The following GALC variants were observed in gnomAD, a reference collection of about 807,000 sequenced individuals.
GALC encodes the protein galactosylceramidase, also known as galactocerebrosidase.
Under a neutral mutation model 91.8 loss-of-function variants are expected in GALC, and 77 were observed. The observed-to-expected ratio is 0.84, with a 90% CI of 0.70 to 1.01. GALC has a LOEUF of 1.01. Ranked by LOEUF, GALC falls within the 50% of genes least tolerant of loss-of-function variation. GALC has a pLI of 0.00. For missense variants in GALC, 882 were observed against 855.9 expected, an observed-to-expected ratio of 1.03 and a Z score of -0.38; for synonymous variants, 357 against 306.7, an observed-to-expected ratio of 1.16 and a Z score of -1.71.
chr14:87,976,536 T>G, intron 6 of GALC, 48 bp from the exon 7 acceptor site: 1 of 1,498,764 alleles, frequency 6.7e-7, no homozygotes, highest in Non-Finnish European at 9.3e-7. Flanking sequence ...AATGAATTTT[T>G]AGCTGTTGAA....
chr14:87,993,037 T>C lies in GALC; in HGVS notation c.128A>G (p.Tyr43Cys). The C allele has an allele frequency of 6.4e-7, 1 of 1,556,128 alleles. No individual in the cohort carries two copies. Among genetic ancestry groups the C allele is most frequent in the Non-Finnish European group, 8.7e-7 (1 of 1,154,164 alleles). The change falls in exon 1 of 17, where the codon TAC (tyrosine) becomes TGC (cysteine). Residue 43 changes from tyrosine to cysteine, a missense_variant. Physicochemically the swap from Tyr to Cys is radical, Grantham distance 194 (BLOSUM62 -2). Coordinates refer to ENST00000261304, the MANE Select transcript of GALC (RefSeq NM_000153.4). ...CAGCCCGTCGGAGTCGTCGAGCACGTACGCGCCGCCGGGCGCCAGCAGCGC... is the reference window on the plus strand; with the variant it reads ...CAGCCCGTCGGAGTCGTCGAGCACGCACGCGCCGCCGGGCGCCAGCAGCGC... ...LCALLAPGGA[Y>C]VLDDSDGLGR... is the part of the protein sequence containing the mutation.
intron 4 of GALC, among the ~76,000 whole-genome samples, chr14:87,985,317 C>T (rs1367555153): frequency 6.6e-6 from 1 of 152,144 alleles, no homozygotes; most frequent in African/African-American, 2.4e-5. Context: ...TGACAAAATG[C>T]TTATTTTCTA....
Position 87,981,009 on chromosome 14 carries a change from A to ACCCAGTAG in GALC, c.621+1188_621+1195dup, listed in dbSNP as rs1427381595. Among the ~76,000 whole-genome samples the ACCCAGTAG allele has an allele frequency of 6.6e-4, 100 of 152,356 alleles. 1 individual carries two copies. The highest frequency in any genetic ancestry group is 2.2e-3 in the African/African-American group (93 of 41,586). ...ATGACTTCTTTTCCTCTGGGTAGAT[A>ACCCAGTAG]CCCAGTAGCAGGATTGATGGATTTG... is the stretch of plus-strand genomic sequence containing the variant. On this transcript the variant is annotated intron_variant, in intron 6 of 16. Coordinates refer to ENST00000261304, the MANE Select transcript of GALC (RefSeq NM_000153.4).
At position 87,956,560 on chromosome 14, in the gene GALC, CATAT is replaced by C. The variant is rs557652790; in HGVS notation, c.1162-5816_1162-5813del. On this transcript the variant is annotated intron_variant, in intron 10 of 16. Coordinates refer to ENST00000261304, the MANE Select transcript of GALC (RefSeq NM_000153.4). Reference sequence around the variant, plus strand: ...ATACACCATATATATATACACGCACCATATATATATATATACACACACACCATAT... The same window carrying C: ...ATACACCATATATATATACACGCACCATATATATATACACACACACCATAT... Among the ~76,000 whole-genome samples, 27 of 131,456 alleles carry C rather than the reference CATAT, an allele frequency of 2.1e-4. 1 individual carries two copies. In the South Asian group the frequency reaches 4.8e-3, roughly 23 times the overall value. The allele number at this position is 131,456 out of a possible 152,430, so 86.2% of individuals were successfully genotyped here. A position where few individuals can be genotyped will look rare whatever the true frequency, so the allele number is the denominator to read the frequency against.
rs114336602 is a variant in GALC, at chr14:87,956,553, C to T, written c.1162-5805G>A. On this transcript the variant is annotated intron_variant, in intron 10 of 16. Transcript: ENST00000261304. ...TATATACATACACCATATATATATA[C>T]ACGCACCATATATATATATATACAC... Among the ~76,000 whole-genome samples, 1,182 of 144,892 alleles carry T rather than the reference C, an allele frequency of 8.2e-3. 22 individuals are homozygous for T. The highest frequency in any genetic ancestry group is 0.031 in the African/African-American group (1,139 of 36,320).
intron 6 of GALC, chr14:87,980,515 T>C (rs1019592693): frequency 3.1e-6 from 3 of 981,688 alleles, no homozygotes; most frequent in Non-Finnish European, 3.6e-6. Flanking sequence ...CTCTCAATCT[T>C]CAGTTCTTTG....
chr14:87,939,945 A>G lies in GALC; in HGVS notation c.1871T>C (p.Val624Ala), dbSNP rs1308536313. ...GAGTGTATACCATTTTTTTGCTGTA[A>G]CTTCAACACGTCCTAAAGCATATAT... is the stretch of plus-strand genomic sequence containing the variant. ...WIIYALGRVE[V>A]TAKKWYTLTL... Residue 624 changes from valine to alanine, a missense_variant, in exon 16 of 17, where the codon GTT becomes GCT. By Grantham distance (64) the Val-to-Ala change is moderately conservative. Transcript: ENST00000261304. 6.2e-7 allele frequency: 1 copy of G among 1,610,886 alleles called. No individual in the cohort carries two copies. Among genetic ancestry groups the G allele is most frequent in the African/African-American group, 1.3e-5 (1 of 74,754 alleles).
chr14:87,954,620 T>G, intron 10 of GALC: 1 of 1,589,504 alleles, frequency 6.3e-7, no homozygotes, highest in East Asian at 2.2e-5. Flanking sequence ...TTGGAAGATA[T>G]CAGACTTAGC....
chr14:87,965,408 C>G lies in GALC; in HGVS notation c.1033+97G>C. ...AAAACTTAAATCTATACTTAAAACA[C>G]GCATAGACACACAGTTTATATAATC... On this transcript the variant is annotated intron_variant, in intron 9 of 16. Coordinates refer to ENST00000261304, the MANE Select transcript of GALC (RefSeq NM_000153.4). The G allele has an allele frequency of 3.8e-6, 5 of 1,306,076 alleles. No homozygotes were observed. In the South Asian group the frequency reaches 6.0e-5, roughly 16 times the overall value. The allele number at this position is 1,306,076 out of a possible 1,614,324, so 80.9% of individuals were successfully genotyped here. A position where few individuals can be genotyped will look rare whatever the true frequency, so the allele number is the denominator to read the frequency against.
rs1884456348 is a variant in GALC, at chr14:87,933,790, G to A, written c.*942C>T. On this transcript the variant is annotated 3_prime_UTR_variant, in exon 17 of 17. Coordinates refer to ENST00000261304, the MANE Select transcript of GALC (RefSeq NM_000153.4). ...AACATATTTGGACTTTAAAAAGTAAGTACATCTTAGGAGATGATCCAATTC... is the reference window on the plus strand; with the variant it reads ...AACATATTTGGACTTTAAAAAGTAAATACATCTTAGGAGATGATCCAATTC... 1 of 518,950 alleles carries A rather than the reference G, an allele frequency of 1.9e-6. No individual in the cohort carries two copies. Among genetic ancestry groups the A allele is most frequent in the Non-Finnish European group, 3.4e-6 (1 of 293,050 alleles). 32.1% of individuals were successfully genotyped at this position (518,950 alleles called of 1,614,324 possible).
rs1346575964 is a variant in GALC at position 87,976,347 on chromosome 14, A to G, written c.752+11T>C. 1.9e-6 allele frequency: 3 copies of G among 1,613,682 alleles called. No individual in the cohort carries two copies. The highest frequency in any genetic ancestry group is 2.5e-6 in the Non-Finnish European group (3 of 1,179,960). On this transcript the variant is annotated intron_variant, in intron 7 of 16. Coordinates refer to ENST00000261304, the MANE Select transcript of GALC (RefSeq NM_000153.4). Reference sequence around the variant, plus strand: ...AGAAACTGCTAGTTTTCCAAGTAAAACATGCCTTACCCTATAACATCAACC... The same window carrying G: ...AGAAACTGCTAGTTTTCCAAGTAAAGCATGCCTTACCCTATAACATCAACC...
intron 6 of GALC, chr14:87,976,958 A>C (rs1210589428): frequency 1.3e-5 from 2 of 155,614 alleles, no homozygotes; most frequent in Non-Finnish European, 2.8e-5. Flanking sequence ...TAAAAAGAAA[A>C]AAAAAACACA....
intron 9 of GALC, among the ~76,000 whole-genome samples, chr14:87,963,776 A>C (rs1294594394): frequency 1.3e-5 from 2 of 152,088 alleles, no homozygotes; most frequent in African/African-American, 4.8e-5. Context: ...TCTTTTTTTT[A>C]AGAATAAAAT....
At chr14:87,951,472 T>G (rs911406011) in intron 10 of GALC, among the ~76,000 whole-genome samples, 1 of 151,980 alleles carries the variant, frequency 6.6e-6, no homozygotes, top group Admixed American at 6.6e-5. Context: ...ATATAAGAGA[T>G]TTGAACAACA....
intron 12 of GALC, among the ~76,000 whole-genome samples, 195 bp downstream of exon 12, chr14:87,949,650 G>C (rs1312925950): frequency 1.3e-5 from 2 of 151,924 alleles, no homozygotes; most frequent in Non-Finnish European, 2.9e-5. Flanking sequence ...TCTCAAATGG[G>C]ACTTAAATTT....
chr14:87,935,071 T>G (rs1441509598), intron 16 of GALC, among the ~76,000 whole-genome samples, 193 bp from the exon 17 acceptor site: 3 of 152,076 alleles, frequency 2.0e-5, no homozygotes, highest in African/African-American at 4.8e-5. Flanking sequence ...GAAGAAATTC[T>G]TATCTACCTA....
chr14:87,945,528 T>A, intron 14 of GALC, 25 bp downstream of exon 14: 1 of 1,523,908 alleles, frequency 6.6e-7, no homozygotes, highest in Non-Finnish European at 9.1e-7. Context: ...TTCAGCCAGA[T>A]CCACATTGAG....
chr14:87,982,648 T>C (rs1886798005), intron 5 of GALC, among the ~76,000 whole-genome samples: 2 of 152,168 alleles, frequency 1.3e-5, no homozygotes, highest in Non-Finnish European at 1.5e-5. Context: ...TTAATATGTA[T>C]ACTGTATAGA....
upstream of GALC, chr14:87,993,485 G>A (rs1555384469): frequency 6.5e-7 from 1 of 1,535,434 alleles, no homozygotes; most frequent in Non-Finnish European, 8.7e-7. Context: ...CCCTACCATG[G>A]CTCTTCCCCA....
Sources: gnomAD v4.1 joint callset for allele counts (sites outside exome capture counted in the v4.1 genomes callset) on GRCh38, gnomAD v4.1.1 for gene constraint, MANE v1.5 for transcripts, NCBI Gene and HGNC (gene_info 2026-07-23, HGNC 2026-07-21) for gene names.